DOCK8: variants seen among roughly 807,000 people sequenced by gnomAD.
DOCK8 encodes dedicator of cytokinesis 8.
A neutral mutation model predicts 245.6 loss-of-function variants in DOCK8; 141 were observed. The ratio of observed to expected loss-of-function variants is 0.57; its 90% CI spans 0.50 to 0.66. DOCK8 has a LOEUF of 0.66. Ranked by LOEUF, DOCK8 falls within the 30% of genes least tolerant of loss-of-function variation. DOCK8 has a pLI of 0.00. For synonymous variants in DOCK8, 1,168 were observed against 970.2 expected (o/e 1.20, Z -3.79); for missense variants, 2,965 against 2,603.4 (o/e 1.14, Z -3.02).
At chr9:326,155 A>G (rs2050758632) in intron 8 of DOCK8, among the ~76,000 whole-genome samples, 1 of 152,204 alleles carries the variant, frequency 6.6e-6, no homozygotes, top group Non-Finnish European at 1.5e-5. Context: ...CAGAGTTCAG[A>G]CCTTACCAAC....
At chr9:214,667 C>G (rs764885235), upstream of DOCK8, 2 of 1,596,880 alleles carry the variant, frequency 1.3e-6, no homozygotes, top group South Asian at 2.2e-5. Flanking sequence ...GGCCGGAGGT[C>G]GGCGGCCCCG....
At chr9:402,187 G>A (rs1279681807) in intron 26 of DOCK8, among the ~76,000 whole-genome samples, 1 of 152,214 alleles carries the variant, frequency 6.6e-6, no homozygotes, top group Admixed American at 6.5e-5. Flanking sequence ...CAAAACTCAT[G>A]TTTTTATTTT....
chr9:376,160 T>A, intron 18 of DOCK8, 50 bp from the exon 19 acceptor site: 1 of 1,319,394 alleles, frequency 7.6e-7, no homozygotes, highest in Admixed American at 1.7e-5. Context: ...TTGTTAGTAA[T>A]CAGAAAAGGG....
Position 328,003 on chromosome 9 carries a change from C to T in DOCK8, c.895-19C>T, listed in dbSNP as rs577869937. 16 of 1,611,956 alleles carry T rather than the reference C, an allele frequency of 9.9e-6. No individual in the cohort carries two copies. The South Asian group carries it at 1.6e-4, about 17-fold the overall frequency. ...TGCAACAGGTCTAACTTATATTTCA[C>T]TTTGCTGCTCATTTACAGATCTCAG... is the stretch of plus-strand genomic sequence containing the variant. On this transcript the variant is annotated intron_variant, in intron 8 of 47. Transcript: ENST00000432829.
At chr9:371,860 C>G (rs1586827069) in intron 17 of DOCK8, among the ~76,000 whole-genome samples, 1 of 152,208 alleles carries the variant, frequency 6.6e-6, no homozygotes, top group African/African-American at 2.4e-5. Flanking sequence ...ATAGAACTAG[C>G]TTTGTCCCCC....
At chr9:300,223 C>T (rs2130526882) in intron 4 of DOCK8, among the ~76,000 whole-genome samples, 1 of 152,286 alleles carries the variant, frequency 6.6e-6, no homozygotes, top group Non-Finnish European at 1.5e-5. Flanking sequence ...TTAATTAATT[C>T]AGTCAACTAA....
intron 1 of DOCK8, among the ~76,000 whole-genome samples, chr9:227,219 G>A (rs2047009956): frequency 6.6e-6 from 1 of 152,172 alleles, no homozygotes; most frequent in East Asian, 1.9e-4. Context: ...TTCCATCCTG[G>A]TCAAATGGGA....
At chr9:242,354 T>C (rs1297600952) in intron 1 of DOCK8, among the ~76,000 whole-genome samples, 2 of 152,162 alleles carry the variant, frequency 1.3e-5, no homozygotes, top group Non-Finnish European at 2.9e-5. Flanking sequence ...AGGTCTACTG[T>C]GGAATGCTTA....
intron 27 of DOCK8, 164 bp downstream of exon 27, chr9:405,237 A>G (rs1400500290): frequency 5.6e-6 from 4 of 711,908 alleles, no homozygotes; most frequent in Non-Finnish European, 9.2e-6. Context: ...ACCACTAGCT[A>G]AGAATTAACA....
At chr9:246,709 G>A (rs912919877) in intron 1 of DOCK8, among the ~76,000 whole-genome samples, 1 of 152,128 alleles carries the variant, frequency 6.6e-6, no homozygotes, top group Non-Finnish European at 1.5e-5. Flanking sequence ...TCTTGTTGTT[G>A]AATCCAGAGA....
At chr9:401,021 A>T (rs540658053) in intron 26 of DOCK8, among the ~76,000 whole-genome samples, 2 of 127,180 alleles carry the variant, frequency 1.6e-5, no homozygotes, top group East Asian at 4.8e-4. Flanking sequence ...CACCATGACC[A>T]CCTCCTTCAC....
chr9:336,227 A>G (rs888165315), intron 11 of DOCK8, among the ~76,000 whole-genome samples: 1 of 152,196 alleles, frequency 6.6e-6, no homozygotes, highest in Non-Finnish European at 1.5e-5. Context: ...GAATGCAAAT[A>G]TAGAAATAAA....
chr9:349,663 G>A (rs555440579), intron 14 of DOCK8, among the ~76,000 whole-genome samples: 23 of 152,178 alleles, frequency 1.5e-4, no homozygotes, highest in Non-Finnish European at 2.4e-4. Context: ...GACAAGTTTA[G>A]CAGCGTTTCT....
chr9:268,349 T>C (rs2048081393), intron 1 of DOCK8: 1 of 152,230 alleles, frequency 6.6e-6, no homozygotes, highest in Non-Finnish European at 1.5e-5. Context: ...ATTAGTTGTG[T>C]AGTTCTGAAT....
chr9:229,660 T>G (rs1192490891), intron 1 of DOCK8, among the ~76,000 whole-genome samples: 1 of 152,096 alleles, frequency 6.6e-6, no homozygotes, highest in Non-Finnish European at 1.5e-5. Context: ...ACTCAATGAC[T>G]GCTGCTGTCT....
At chr9:318,835 A>G (rs2050460307) in intron 7 of DOCK8, among the ~76,000 whole-genome samples, 1 of 152,226 alleles carries the variant, frequency 6.6e-6, no homozygotes, top group African/African-American at 2.4e-5. Context: ...GACAGGATGC[A>G]TCATCAGGCT....
chr9:326,372 G>A (rs1234273020), intron 8 of DOCK8, among the ~76,000 whole-genome samples: 2 of 152,166 alleles, frequency 1.3e-5, no homozygotes, highest in Non-Finnish European at 2.9e-5. Flanking sequence ...TTGTAGGATA[G>A]GTTAACTGCT....
chr9:401,817 C>T (rs991363688), intron 26 of DOCK8, among the ~76,000 whole-genome samples: 3 of 152,224 alleles, frequency 2.0e-5, no homozygotes, highest in Non-Finnish European at 2.9e-5. Context: ...CCACCCTGAA[C>T]GCACGCAGTC....
chr9:433,124 G>A (rs971844889), intron 37 of DOCK8, among the ~76,000 whole-genome samples: 3 of 152,080 alleles, frequency 2.0e-5, no homozygotes, highest in Non-Finnish European at 4.4e-5. Flanking sequence ...ACATCAAATC[G>A]TTCCTCTCTC....
Sources: gnomAD v4.1 joint callset for allele counts (sites outside exome capture counted in the v4.1 genomes callset) on GRCh38, gnomAD v4.1.1 for gene constraint, MANE v1.5 for transcripts, NCBI Gene and HGNC (gene_info 2026-07-23, HGNC 2026-07-21) for gene names.